STAT4: variants seen among roughly 807,000 people sequenced by gnomAD.
The protein encoded by STAT4 is signal transducer and activator of transcription 4.
In STAT4, 42 loss-of-function variants were observed where a neutral mutation model predicts 110.5. The ratio of observed to expected loss-of-function variants is 0.38; its 90% CI spans 0.30 to 0.49. The LOEUF (loss-of-function observed/expected upper bound fraction) is 0.49. STAT4 is among the 20% of genes least tolerant of loss of function. The pLI is 0.95. For missense variants in STAT4, 632 were observed against 887.9 expected (o/e 0.71, Z 3.66); for synonymous variants, 284 against 302.2 (o/e 0.94, Z 0.63).
Position 191,112,291 on chromosome 2 carries a change from C to T in STAT4, c.273+34322G>A, listed in dbSNP as rs1228842720. Among the ~76,000 whole-genome samples, 1 of 152,200 alleles carries T rather than the reference C, an allele frequency of 6.6e-6. No individual in the cohort carries two copies. The highest frequency in any genetic ancestry group is 2.4e-5 in the African/African-American group (1 of 41,456). ...AAACCAAATCATATCCAAATTGTCT[C>T]ATTTCCTAGCTATGTGACCTTGGGC... On this transcript the variant is annotated intron_variant, in intron 3 of 23. Transcript: ENST00000392320. This position sits in a 1 kb window ranked among gnomAD's most constrained non-coding sequence, Gnocchi z 4.3.
chr2:191,118,609 C>T (rs1228581027), intron 3 of STAT4, among the ~76,000 whole-genome samples: 1 of 152,060 alleles, frequency 6.6e-6, no homozygotes, highest in East Asian at 1.9e-4. Context: ...TCAATGTGGA[C>T]ATTTAAGAAT....
At position 191,058,162 on chromosome 2, in the gene STAT4, C is replaced by T. The variant is rs1219133602; in HGVS notation, c.1112+40G>A. ...CATGGTCTCAGGTAAAATAAATTTA[C>T]AAGAGCAGCAACAAAGTTTCCACAA... is the stretch of plus-strand genomic sequence containing the variant. On this transcript the variant is annotated intron_variant, in intron 12 of 23. Coordinates refer to ENST00000392320, the MANE Select transcript of STAT4 (RefSeq NM_003151.4). This position sits in a 1 kb window ranked among gnomAD's most constrained non-coding sequence, Gnocchi z 4.3. 4 of 1,613,824 alleles carry T rather than the reference C, an allele frequency of 2.5e-6. No homozygotes were observed. Among genetic ancestry groups the T allele is most frequent in the Non-Finnish European group, 3.4e-6 (4 of 1,179,820 alleles).
intron 14 of STAT4, among the ~76,000 whole-genome samples, chr2:191,047,905 A>ATC (rs1696395077): frequency 6.6e-6 from 1 of 152,184 alleles, no homozygotes. Flanking sequence ...AGCTCAAGTG[A>ATC]TCTGCCTGTC....
intron 3 of STAT4, among the ~76,000 whole-genome samples, chr2:191,093,821 G>T (rs531571831): frequency 2.0e-5 from 3 of 152,124 alleles, no homozygotes; most frequent in Non-Finnish European, 2.9e-5. Context: ...CGAACCCATC[G>T]TGAGGAAGCT....
At chr2:191,084,349 T>C (rs1369772649) in intron 3 of STAT4, among the ~76,000 whole-genome samples, 1 of 152,114 alleles carries the variant, frequency 6.6e-6, no homozygotes, top group Non-Finnish European at 1.5e-5. Context: ...TAGGATATGA[T>C]GAAGCCTAGT....
intron 3 of STAT4, among the ~76,000 whole-genome samples, chr2:191,132,222 C>T (rs1459175983): frequency 1.3e-5 from 2 of 151,746 alleles, no homozygotes; most frequent in Non-Finnish European, 1.5e-5. Flanking sequence ...TGTAAAATAG[C>T]TTCAACATCA....
At chr2:191,075,837 C>CTTTTTTTT (rs71407854) in intron 4 of STAT4, among the ~76,000 whole-genome samples, 154 of 121,458 alleles carry the variant, frequency 1.3e-3, no homozygotes, top group African/African-American at 3.8e-3. Flanking sequence ...TTCTTTCTTT[C>CTTTTTTTT]TTTTTTTTTT....
rs555177142 is a variant in STAT4, at chr2:191,049,306, C to G, written c.1251+5184G>C. 2.0e-5 allele frequency among the ~76,000 whole-genome samples: 3 copies of G among 151,602 alleles called. No individual in the cohort carries two copies. The East Asian group carries it at 5.8e-4, about 29-fold the overall frequency. On this transcript the variant is annotated intron_variant, in intron 14 of 23. Transcript: ENST00000392320. ...TCTCTTGCCTCAGCCTCCTGAGTAGCTGGGACTACAGGCAACCCGCCACCA... is the reference window on the plus strand; with the variant it reads ...TCTCTTGCCTCAGCCTCCTGAGTAGGTGGGACTACAGGCAACCCGCCACCA...
chr2:191,069,257 A>G (rs935758185), intron 6 of STAT4, among the ~76,000 whole-genome samples: 1 of 152,098 alleles, frequency 6.6e-6, no homozygotes, highest in Non-Finnish European at 1.5e-5. Flanking sequence ...TTCTCCTATG[A>G]AACACATTTC....
chr2:191,034,409 C>T, intron 18 of STAT4, 139 bp downstream of exon 18: 1 of 616,882 alleles, frequency 1.6e-6, no homozygotes, highest in Non-Finnish European at 2.7e-6. Context: ...GGTGACAGAG[C>T]AAGACTCTAT....
Position 191,053,175 on chromosome 2 carries a change from A to T in STAT4, c.1251+1315T>A, listed in dbSNP as rs1696582663. On this transcript the variant is annotated intron_variant, in intron 14 of 23. Transcript: ENST00000392320. The surrounding 1 kb of genome is among the most constrained non-coding windows in gnomAD (Gnocchi z 4.5). ...AGTGCTTTTCCTCCAAACAATTCAA[A>T]GATCTTTTTCATGGGAGCTGTGACT... Among the ~76,000 whole-genome samples, 1 of 152,220 alleles carries T rather than the reference A, an allele frequency of 6.6e-6. No individual in the cohort carries two copies. The highest frequency in any genetic ancestry group is 2.4e-5 in the African/African-American group (1 of 41,444).
At chr2:191,127,875 G>A (rs1368907540) in intron 3 of STAT4, among the ~76,000 whole-genome samples, 1 of 152,168 alleles carries the variant, frequency 6.6e-6, no homozygotes, top group African/African-American at 2.4e-5. Context: ...TTAATCAAGA[G>A]GAAGATCAAC....
chr2:191,033,228 C>T lies in STAT4; in HGVS notation c.1853-79G>A, dbSNP rs1695949769. On this transcript the variant is annotated intron_variant, in intron 20 of 23. Transcript: ENST00000392320. The surrounding 1 kb of genome is among the most constrained non-coding windows in gnomAD (Gnocchi z 6.9). ...ACCATTTCTTCCCTGCCCACATTAT[C>T]TTCATGCCACTGGAGTGACTTGTCA... is the stretch of plus-strand genomic sequence containing the variant. The T allele has an allele frequency of 7.1e-7, 1 of 1,411,286 alleles. No homozygotes were observed. Among genetic ancestry groups the T allele is most frequent in the African/African-American group, 1.4e-5 (1 of 69,950 alleles). The allele number at this position is 1,411,286 out of a possible 1,614,324, so 87.4% of individuals were successfully genotyped here. A position where few individuals can be genotyped will look rare whatever the true frequency, so the allele number is the denominator to read the frequency against.
At chr2:191,074,868 C>G (rs1210469192) in intron 4 of STAT4, among the ~76,000 whole-genome samples, 1 of 152,078 alleles carries the variant, frequency 6.6e-6, no homozygotes, top group Admixed American at 6.6e-5. Flanking sequence ...AGTTAAATAA[C>G]AGATACTTTT....
rs1230745089 is a variant in STAT4 at position 191,083,823 on chromosome 2, C to T, written c.274-7498G>A. The stretch of plus-strand genomic sequence containing the variant: ...CTTACTCATAAATTAAGTAAATAAG[C>T]CCAAATGCCTTTCAAGTTCGCATGA... On this transcript the variant is annotated intron_variant, in intron 3 of 23. Transcript: ENST00000392320. This position sits in a 1 kb window ranked among gnomAD's most constrained non-coding sequence, Gnocchi z 4.6. Among the ~76,000 whole-genome samples the T allele has an allele frequency of 6.6e-6, 1 of 152,032 alleles. No homozygotes were observed. Among genetic ancestry groups the T allele is most frequent in the African/African-American group, 2.4e-5 (1 of 41,402 alleles).
rs201806934 is a variant in STAT4 at position 191,036,149 on chromosome 2, T to G, written c.1570+15A>C. On this transcript the variant is annotated intron_variant, in intron 17 of 23. Coordinates refer to ENST00000392320, the MANE Select transcript of STAT4 (RefSeq NM_003151.4). ...CAAAAACAGAGGCAAATCCTCTCTA[T>G]CTACCAGCTCTCACCTGTAAGCTTC... 2.8e-4 allele frequency: 459 copies of G among 1,613,048 alleles called. 1 individual carries two copies. Among genetic ancestry groups the G allele is most frequent in the African/African-American group, 6.7e-4 (50 of 74,988 alleles).
chr2:191,150,346 A>G lies in STAT4; in HGVS notation c.-2+601T>C, dbSNP rs7572482. On this transcript the variant is annotated intron_variant, in intron 1 of 23. Transcript: ENST00000392320. The surrounding 1 kb of genome is among the most constrained non-coding windows in gnomAD (Gnocchi z 6.4). ...ACTCTCTAGGGGCTACTTCTTTCTC[A>G]TGAAAACTGTGACGTTGCTTCTGAA... 0.56 allele frequency among the ~76,000 whole-genome samples: 85,475 copies of G among 151,932 alleles called. 25,746 individuals are homozygous for G. Among genetic ancestry groups the G allele is most frequent in the South Asian group, 0.68 (3,297 of 4,822 alleles).
chr2:191,086,315 A>T lies in STAT4; in HGVS notation c.274-9990T>A, dbSNP rs1485780809. Among the ~76,000 whole-genome samples the T allele has an allele frequency of 6.6e-6, 1 of 152,178 alleles. No individual in the cohort carries two copies. The highest frequency in any genetic ancestry group is 1.5e-5 in the Non-Finnish European group (1 of 68,022). On this transcript the variant is annotated intron_variant, in intron 3 of 23. Coordinates refer to ENST00000392320, the MANE Select transcript of STAT4 (RefSeq NM_003151.4). This position sits in a 1 kb window ranked among gnomAD's most constrained non-coding sequence, Gnocchi z 5.5. ...GGCCCGGGAACCTCATAGGACCTCAAGAAGAGAGGAATTCACCCAATTCAT... is the reference window on the plus strand; with the variant it reads ...GGCCCGGGAACCTCATAGGACCTCATGAAGAGAGGAATTCACCCAATTCAT...
chr2:191,149,113 C>T (rs992119238), intron 1 of STAT4, among the ~76,000 whole-genome samples: 2 of 152,096 alleles, frequency 1.3e-5, no homozygotes, highest in Admixed American at 6.6e-5. Flanking sequence ...TTTATGTTTT[C>T]CAAAGTCAAA....
Sources: gnomAD v4.1 joint callset for allele counts (sites outside exome capture counted in the v4.1 genomes callset) on GRCh38, gnomAD v4.1.1 for gene constraint, Gnocchi (gnomAD v3.1) non-coding constraint, MANE v1.5 for transcripts, NCBI Gene and HGNC (gene_info 2026-07-23, HGNC 2026-07-21) for gene names.